The following ZFAND1 variants were observed in gnomAD, a reference collection of about 807,000 sequenced individuals.
ZFAND1 encodes AN1-type zinc finger protein 1.
A neutral mutation model predicts 38.5 loss-of-function variants in ZFAND1; 40 were observed. The ratio of observed to expected loss-of-function variants is 1.04; its 90% confidence interval spans 0.81 to 1.35. The LOEUF (loss-of-function observed/expected upper bound fraction) is 1.35, where lower values mean the gene tolerates loss of function less well. Among genes scored for constraint, ZFAND1 ranks in the 40% most tolerant of loss-of-function variants. The probability of loss-of-function intolerance (pLI) is 0.00; values close to 1 mark genes in which losing one functional copy is unlikely to be tolerated. For synonymous variants in ZFAND1, 117 were observed against 103.6 expected, an observed-to-expected ratio of 1.13 and a Z score of -0.78; for missense variants, 346 against 316.3, an observed-to-expected ratio of 1.09 and a Z score of -0.71.
Position 81,702,982 on chromosome 8 carries a change from T to G in ZFAND1, c.623A>C (p.Lys208Thr). ...ATGAGATGTTACCTTAGCTGTAAAT[T>G]TGTTATTGTCATTTTTAAGCCTGGC... ...SLARLKNDNN[K>T]FTAKKLRLCH... is the part of the protein sequence containing the mutation. Residue 208 changes from lysine to threonine, a missense_variant, in exon 7 of 8, where the codon AAA becomes ACA. Transcript: ENST00000220669. 1.3e-6 allele frequency: 2 copies of G among 1,518,170 alleles called. No homozygotes were observed. The highest frequency in any genetic ancestry group is 1.8e-6 in the Non-Finnish European group (2 of 1,131,716). The allele number at this position is 1,518,170 out of a possible 1,614,324, so 94.0% of individuals were successfully genotyped here.
intron 6 of ZFAND1, among the ~76,000 whole-genome samples, chr8:81,711,980 C>T (rs748865729): frequency 1.4e-4 from 21 of 152,080 alleles, no homozygotes; most frequent in Non-Finnish European, 2.5e-4. Context: ...CATAATCTTG[C>T]TATTAATGTC....
In ZFAND1 at chr8:81,707,080, C is replaced by T. The variant is rs138421058; in HGVS notation, c.481-3956G>A. Among the ~76,000 whole-genome samples the T allele has an allele frequency of 2.1e-3, 319 of 152,266 alleles. 1 individual carries two copies. The highest frequency in any genetic ancestry group is 7.4e-3 in the African/African-American group (308 of 41,544). ...CATATAAAGCAAATCCAGTGTGAAT[C>T]CTTCAGGAATGGTTCTGAGTCAGGC... On this transcript the variant is annotated intron_variant, in intron 6 of 7. Coordinates refer to ENST00000220669, the MANE Select transcript of ZFAND1 (RefSeq NM_024699.3).
intron 6 of ZFAND1, among the ~76,000 whole-genome samples, chr8:81,705,091 C>G (rs1807936890): frequency 6.6e-6 from 1 of 152,080 alleles, no homozygotes; most frequent in African/African-American, 2.4e-5. Context: ...GAAATAACAG[C>G]ACCACAGGGA....
At chr8:81,713,580 T>C (rs912500533) in intron 6 of ZFAND1, among the ~76,000 whole-genome samples, 2 of 152,048 alleles carry the variant, frequency 1.3e-5, no homozygotes, top group Admixed American at 6.6e-5. Flanking sequence ...CTTCTACATA[T>C]ACACAAGGAT....
intron 6 of ZFAND1, among the ~76,000 whole-genome samples, chr8:81,704,382 C>T (rs1807909530): frequency 6.6e-6 from 1 of 151,734 alleles, no homozygotes; most frequent in Admixed American, 6.6e-5. Context: ...ACAAAAAGCA[C>T]AAAAAATTAG....
chr8:81,704,946 C>T (rs1290576469), intron 6 of ZFAND1, among the ~76,000 whole-genome samples: 2 of 141,034 alleles, frequency 1.4e-5, no homozygotes, highest in East Asian at 7.2e-4. Context: ...TAAGATATAG[C>T]CTTATCTTTT....
At position 81,715,002 on chromosome 8, in the gene ZFAND1, T is replaced by A; in HGVS notation, c.251A>T (p.Lys84Met). ...LVAVICPYCE[K>M]NFCLRHRHQS... ...GATCAATCACCTCAGGCAAAAATTC[T>A]TCTCACAATAAGGACATATAACTGC... Residue 84 changes from lysine to methionine, a missense_variant, in exon 4 of 8, where the codon AAG becomes ATG. By Grantham distance (95) the Lys-to-Met change is moderately conservative. Coordinates refer to ENST00000220669, the MANE Select transcript of ZFAND1 (RefSeq NM_024699.3). The A allele has an allele frequency of 6.2e-7, 1 of 1,614,072 alleles. No individual in the cohort carries two copies. The highest frequency in any genetic ancestry group is 8.5e-7 in the Non-Finnish European group (1 of 1,179,930).
At chr8:81,710,446 T>C (rs1304726022) in intron 6 of ZFAND1, among the ~76,000 whole-genome samples, 2 of 151,690 alleles carry the variant, frequency 1.3e-5, no homozygotes, top group African/African-American at 2.4e-5. Context: ...ACAAATTCAA[T>C]ACAAAAGGAA....
intron 3 of ZFAND1, among the ~76,000 whole-genome samples, chr8:81,716,674 C>T (rs1480217248): frequency 2.0e-5 from 3 of 152,144 alleles, no homozygotes; most frequent in South Asian, 2.1e-4. Flanking sequence ...CTTGGCTGGG[C>T]GCGGTGGCTA....
chr8:81,708,271 C>T (rs1244229923), intron 6 of ZFAND1, among the ~76,000 whole-genome samples: 1 of 134,890 alleles, frequency 7.4e-6, no homozygotes, highest in African/African-American at 2.8e-5. Context: ...AAAAAAAAGG[C>T]TAATGCAAAA....
intron 1 of ZFAND1, 91 bp downstream of exon 1, chr8:81,721,136 C>T: frequency 6.7e-7 from 1 of 1,485,590 alleles, no homozygotes. Flanking sequence ...AGCCTTGTGG[C>T]CTCCCTTCAC....
rs1808243158 is a variant in ZFAND1, at chr8:81,714,586, G to C, written c.358+218C>G. ...CTAATCTAAGTGGCTCAGCAAAAGA[G>C]ATAAGTACTTACAGTGGAGTACCTC... On this transcript the variant is annotated intron_variant, in intron 5 of 7. Transcript: ENST00000220669. 3 of 494,126 alleles carry C rather than the reference G, an allele frequency of 6.1e-6. No individual in the cohort carries two copies. In the South Asian group the frequency reaches 6.8e-5, roughly 11 times the overall value. 30.6% of individuals were successfully genotyped at this position (494,126 alleles called of 1,614,324 possible).
At chr8:81,713,131 GT>G (rs34989458) in intron 6 of ZFAND1, among the ~76,000 whole-genome samples, 134,594 of 151,818 alleles carry the variant, frequency 0.89, 59,696 homozygotes, top group South Asian at 0.95. Flanking sequence ...GTTTTTGTTC[GT>G]TTTTTTTTGA....
intron 1 of ZFAND1, among the ~76,000 whole-genome samples, chr8:81,720,367 T>C (rs1451642880): frequency 6.6e-6 from 1 of 152,186 alleles, no homozygotes. Context: ...AAAATGCAGC[T>C]TACTAGTTGG....
chr8:81,710,012 G>A (rs1470714488), intron 6 of ZFAND1, among the ~76,000 whole-genome samples: 3 of 152,184 alleles, frequency 2.0e-5, no homozygotes, highest in African/African-American at 7.2e-5. Context: ...CTGAATACTT[G>A]AGAGCAGGTC....
chr8:81,708,248 C>CAA (rs746812833), intron 6 of ZFAND1, among the ~76,000 whole-genome samples: 5,679 of 62,822 alleles, frequency 0.09, 279 homozygotes, highest in African/African-American at 0.16. Context: ...AAAGCTCCAT[C>CAA]AAAAAAAAAA....
At chr8:81,703,232 A>C (rs1181718567) in intron 6 of ZFAND1, 108 bp from the exon 7 acceptor site, 1 of 713,452 alleles carries the variant, frequency 1.4e-6, no homozygotes, top group East Asian at 3.0e-5. Flanking sequence ...TTACCTTCTA[A>C]CAAGGTATCT....
intron 3 of ZFAND1, among the ~76,000 whole-genome samples, chr8:81,716,097 G>T (rs1484575021): frequency 1.3e-5 from 2 of 152,184 alleles, no homozygotes; most frequent in Non-Finnish European, 2.9e-5. Flanking sequence ...AAACTGGAAA[G>T]AATCAGATTT....
In ZFAND1 at chr8:81,715,074, G is replaced by A. The variant is rs1255933060; in HGVS notation, c.179C>T (p.Thr60Ile). The change falls in exon 4 of 8, where the codon ACA becomes ATA. Residue 60 changes from threonine (T) to isoleucine (I), a missense_variant. Thr to Ile is a moderately conservative substitution (Grantham distance 89). Coordinates refer to ENST00000220669, the MANE Select transcript of ZFAND1 (RefSeq NM_024699.3). ...INERLKTDQH[T>I]SYPCSFKDCA... ...GTCTTTGAAAGAGCATGGGTAAGATGTATGTTGATCTGTCTTCAGTCTCTC... is the reference window on the plus strand; with the variant it reads ...GTCTTTGAAAGAGCATGGGTAAGATATATGTTGATCTGTCTTCAGTCTCTC... 6.2e-7 allele frequency: 1 copy of A among 1,614,046 alleles called. No individual in the cohort carries two copies. The highest frequency in any genetic ancestry group is 1.3e-5 in the African/African-American group (1 of 75,050).
Sources: allele counts gnomAD v4.1 joint callset (sites outside exome capture counted in the v4.1 genomes callset), GRCh38; gene constraint gnomAD v4.1.1; transcripts MANE v1.5; gene names NCBI Gene and HGNC (gene_info 2026-07-23, HGNC 2026-07-21).